Variants in KCMF1 observed in about 807,000 individuals in gnomAD.
KCMF1 encodes potassium channel modulatory factor 1.
In KCMF1, 3 loss-of-function variants were observed where a neutral mutation model predicts 41.1. That is an observed-to-expected ratio of 0.07 (90% confidence interval 0.03 to 0.19). KCMF1 has a LOEUF of 0.19. Ranked by LOEUF, KCMF1 falls within the 10% of genes least tolerant of loss-of-function variation. KCMF1 has a pLI of 1.00. For missense variants in KCMF1, 286 were observed against 488.9 expected, an observed-to-expected ratio of 0.58 and a Z score of 3.91; for synonymous variants, 142 against 164.5, an observed-to-expected ratio of 0.86 and a Z score of 1.04.
At chr2:85,033,336 ATACTT>A (rs577208786) in intron 2 of KCMF1, among the ~76,000 whole-genome samples, 1 of 152,318 alleles carries the variant, frequency 6.6e-6, no homozygotes. Flanking sequence ...CACACTGAAT[ATACTT>A]TAATTTTATT....
rs759154445 is a variant in KCMF1, at chr2:85,046,291, C to T, written c.601+13C>T. The T allele has an allele frequency of 5.1e-5, 82 of 1,603,192 alleles. No individual in the cohort carries two copies. The highest frequency in any genetic ancestry group is 6.6e-5 in the Non-Finnish European group (77 of 1,173,494). On this transcript the variant is annotated intron_variant, in intron 5 of 6. Transcript: ENST00000409785. ...GATCCTATAGCTGGTAAGTTAGTTT[C>T]ACATTAATAAGGGAAATGGCAGGGG...
chr2:85,021,858 C>T (rs1265625472), intron 1 of KCMF1, among the ~76,000 whole-genome samples: 3 of 152,020 alleles, frequency 2.0e-5, no homozygotes, highest in East Asian at 3.9e-4. Context: ...CTCTTGTTCC[C>T]CAGGCTGAAG....
At chr2:85,014,257 AAG>A (rs1674713337) in intron 1 of KCMF1, among the ~76,000 whole-genome samples, 2 of 152,218 alleles carry the variant, frequency 1.3e-5, no homozygotes, top group Non-Finnish European at 1.5e-5. Flanking sequence ...CTTAAAAAAT[AAG>A]AAGTCAAGGG....
chr2:85,043,858 A>G (rs987722648), intron 4 of KCMF1, among the ~76,000 whole-genome samples, 193 bp downstream of exon 4: 1 of 152,090 alleles, frequency 6.6e-6, no homozygotes, highest in Middle Eastern at 3.2e-3. Context: ...CCAGCTTGTC[A>G]TTTTGATTTT....
At chr2:85,013,383 GT>G (rs1674693425) in intron 1 of KCMF1, among the ~76,000 whole-genome samples, 1 of 152,100 alleles carries the variant, frequency 6.6e-6, no homozygotes, top group Non-Finnish European at 1.5e-5. Context: ...GACATTTCTA[GT>G]TTAGATAACA....
chr2:85,059,120 A>G lies in KCMF1; in HGVS notation c.*5711A>G, dbSNP rs981223727. The G allele has an allele frequency of 6.6e-6, 1 of 152,174 alleles. No individual in the cohort carries two copies. The highest frequency in any genetic ancestry group is 1.5e-5 in the Non-Finnish European group (1 of 68,020). 9.4% of individuals were successfully genotyped at this position (152,174 alleles called of 1,614,324 possible). ...TTCTTACCCCCTAGTCATGAAAGCT[A>G]TTCTGGCCAGCCTTGAATCCATTTA... On this transcript the variant is annotated 3_prime_UTR_variant, in exon 7 of 7. Transcript: ENST00000409785.
intron 1 of KCMF1, among the ~76,000 whole-genome samples, chr2:84,983,953 A>G (rs1185825064): frequency 6.6e-6 from 1 of 152,224 alleles, no homozygotes; most frequent in African/African-American, 2.4e-5. Context: ...AAAGTCTTAA[A>G]TCTTAAATTT....
chr2:85,007,547 A>G (rs936944607), intron 1 of KCMF1, among the ~76,000 whole-genome samples: 2 of 152,144 alleles, frequency 1.3e-5, no homozygotes, highest in Non-Finnish European at 2.9e-5. Context: ...AACAGGTCAG[A>G]GGGGGACACT....
At position 85,056,205 on chromosome 2, in the gene KCMF1, ACTT is replaced by A. The variant is rs759180294; in HGVS notation, c.*2799_*2801del. On this transcript the variant is annotated 3_prime_UTR_variant, in exon 7 of 7. Transcript: ENST00000409785. ...TTAGGCTCAGGTAAAGTAAGAGAAA[ACTT>A]CTCTCCCTGTGGCCCCCAGAGAAAT... 30 of 149,994 alleles carry A rather than the reference ACTT, an allele frequency of 2.0e-4. No individual in the cohort carries two copies. Among genetic ancestry groups the A allele is most frequent in the Non-Finnish European group, 3.8e-4 (26 of 67,742 alleles). The allele number at this position is 149,994 out of a possible 1,614,324, so 9.3% of individuals were successfully genotyped here. A position where few individuals can be genotyped will look rare whatever the true frequency, so the allele number is the denominator to read the frequency against.
chr2:85,036,575 C>T (rs1675408183), intron 3 of KCMF1, among the ~76,000 whole-genome samples: 1 of 152,052 alleles, frequency 6.6e-6, no homozygotes, highest in African/African-American at 2.4e-5. Context: ...GAGAGCATTG[C>T]TTGAGCCCAG....
At chr2:85,014,910 G>A (rs187927250) in intron 1 of KCMF1, among the ~76,000 whole-genome samples, 1 of 151,502 alleles carries the variant, frequency 6.6e-6, no homozygotes, top group African/African-American at 2.4e-5. Flanking sequence ...TTGCAACCTG[G>A]GTCTCCTGGG....
At chr2:84,980,989 CTT>C (rs1673728848) in intron 1 of KCMF1, among the ~76,000 whole-genome samples, 1 of 151,798 alleles carries the variant, frequency 6.6e-6, no homozygotes, top group Non-Finnish European at 1.5e-5. Context: ...GTCCATCAAA[CTT>C]TGCCAGTGGC....
chr2:84,980,948 A>G (rs1014863085), intron 1 of KCMF1, among the ~76,000 whole-genome samples: 3 of 151,802 alleles, frequency 2.0e-5, no homozygotes, highest in South Asian at 2.1e-4. Flanking sequence ...GCCTAGCCTC[A>G]TCTCTTCTAT....
At chr2:85,015,684 C>T (rs931910937) in intron 1 of KCMF1, among the ~76,000 whole-genome samples, 2 of 152,288 alleles carry the variant, frequency 1.3e-5, no homozygotes, top group Non-Finnish European at 2.9e-5. Context: ...CAATATTTCA[C>T]CCATTTTTCT....
chr2:84,986,712 C>G (rs1170091010), intron 1 of KCMF1, among the ~76,000 whole-genome samples: 1 of 147,880 alleles, frequency 6.8e-6, no homozygotes, highest in Non-Finnish European at 1.5e-5. Context: ...CGTGTCTGTA[C>G]TTAAGAAAAA....
intron 2 of KCMF1, among the ~76,000 whole-genome samples, chr2:85,029,974 C>G (rs765600272): frequency 6.6e-6 from 1 of 152,028 alleles, no homozygotes; most frequent in African/African-American, 2.4e-5. Context: ...TGAGCCACCA[C>G]GCCTGGCTTC....
At chr2:85,014,295 A>G (rs917295926) in intron 1 of KCMF1, among the ~76,000 whole-genome samples, 1 of 152,238 alleles carries the variant, frequency 6.6e-6, no homozygotes, top group Non-Finnish European at 1.5e-5. Flanking sequence ...TGTGTTAAAT[A>G]TATATCTCCG....
intron 3 of KCMF1, among the ~76,000 whole-genome samples, 171 bp from the exon 4 acceptor site, chr2:85,043,393 T>C (rs1462274235): frequency 6.6e-6 from 1 of 152,244 alleles, no homozygotes; most frequent in Non-Finnish European, 1.5e-5. Context: ...CTGAGGGACC[T>C]TGTGTGAACA....
intron 1 of KCMF1, among the ~76,000 whole-genome samples, chr2:84,978,060 C>T (rs75270037): frequency 1.3e-5 from 2 of 151,444 alleles, no homozygotes; most frequent in Non-Finnish European, 1.5e-5. Context: ...TGCAATGAGG[C>T]GATCTCAACT....
Sources: allele counts gnomAD v4.1 joint callset (sites outside exome capture counted in the v4.1 genomes callset), GRCh38; gene constraint gnomAD v4.1.1; transcripts MANE v1.5; gene names NCBI Gene and HGNC (gene_info 2026-07-23, HGNC 2026-07-21).